The following CABIN1 variants were observed in gnomAD, a reference collection of about 807,000 sequenced individuals.
CABIN1 encodes the protein calcineurin binding protein 1.
CABIN1 carries 133 observed loss-of-function variants against 227.7 expected under a neutral mutation model. The ratio of observed to expected loss-of-function variants is 0.58; its 90% CI spans 0.51 to 0.67. CABIN1 has a LOEUF of 0.67. CABIN1 is among the 30% of genes least tolerant of loss of function. The pLI, the probability that CABIN1 is intolerant of heterozygous loss-of-function variation, is 0.00. For missense variants in CABIN1, 2,408 were observed against 2,852.5 expected (o/e 0.84, Z 3.55); for synonymous variants, 1,086 against 1,155.1 (o/e 0.94, Z 1.21).
At chr22:24,165,761 C>T in intron 31 of CABIN1, 135 bp downstream of exon 31, 1 of 718,428 alleles carries the variant, frequency 1.4e-6, no homozygotes, top group South Asian at 1.6e-5. Flanking sequence ...TGTGAGGTAG[C>T]ACCCATCCTG....
At position 24,166,648 on chromosome 22, in the gene CABIN1, C is replaced by T. The variant is rs749933147; in HGVS notation, c.5017C>T (p.Arg1673Cys). 49 of 1,612,680 alleles carry T rather than the reference C, an allele frequency of 3.0e-5. 1 individual carries two copies. Among genetic ancestry groups the T allele is most frequent in the East Asian group, 8.9e-5 (4 of 44,880 alleles). ...TTTGGTTTCTTTGTAGGGGTCAGAA[C>T]GCCCAGGGCCCAAGGTCTGTGGCCT... is the stretch of plus-strand genomic sequence containing the variant. ...TLSELAEGSE[R>C]PGPKVCGLPG... The change falls in exon 32 of 37, where the codon CGC becomes TGC. Residue 1673 changes from arginine to cysteine, a missense_variant. Coordinates refer to ENST00000263119, the MANE Select transcript of CABIN1 (RefSeq NM_012295.4).
At chr22:24,052,593 C>A (rs2038426660) in intron 8 of CABIN1, among the ~76,000 whole-genome samples, 1 of 151,354 alleles carries the variant, frequency 6.6e-6, no homozygotes. Context: ...AGTTCAAGAC[C>A]AGCCTGGGCA....
Position 24,038,389 on chromosome 22 carries a change from G to A in CABIN1, c.138G>A (p.Leu46=). The change falls in exon 4 of 37, where the codon CTG becomes CTA. Residue 46 remains leucine, a synonymous_variant. Transcript: ENST00000263119. ...AFALYHKALD[L]QKHDRFEESA... ...CATTGTACCACAAGGCCCTTGATCT[G>A]CAGAAACATGACCGGTTTGAGGAGT... 1 of 1,614,068 alleles carries A rather than the reference G, an allele frequency of 6.2e-7. No homozygotes were observed. Among genetic ancestry groups the A allele is most frequent in the South Asian group, 1.1e-5 (1 of 91,084 alleles).
At chr22:24,128,228 T>C (rs1227558485) in intron 28 of CABIN1, among the ~76,000 whole-genome samples, 1 of 150,448 alleles carries the variant, frequency 6.6e-6, no homozygotes, top group Admixed American at 6.6e-5. Flanking sequence ...GTGGTTCTGC[T>C]TTTTTTTGCT....
At chr22:24,054,507 A>G (rs963195480) in intron 8 of CABIN1, among the ~76,000 whole-genome samples, 1 of 152,172 alleles carries the variant, frequency 6.6e-6, no homozygotes, top group Non-Finnish European at 1.5e-5. Flanking sequence ...GAGTTCCACA[A>G]GTGTTTTAAA....
At chr22:24,056,383 G>T in intron 10 of CABIN1, 23 bp downstream of exon 10, 1 of 1,612,328 alleles carries the variant, frequency 6.2e-7, no homozygotes, top group Non-Finnish European at 8.5e-7. Flanking sequence ...TTTTCTGATT[G>T]TCAGAAACAA....
chr22:24,144,603 G>A (rs2044991151), intron 29 of CABIN1, among the ~76,000 whole-genome samples: 2 of 152,256 alleles, frequency 1.3e-5, no homozygotes, highest in Non-Finnish European at 2.9e-5. Flanking sequence ...GGGCAGCTGG[G>A]CTGCACTGGC....
intron 29 of CABIN1, among the ~76,000 whole-genome samples, chr22:24,150,184 T>C (rs1215207597): frequency 1.3e-5 from 2 of 152,224 alleles, no homozygotes; most frequent in African/African-American, 4.8e-5. Context: ...GCTTTACTTT[T>C]TGTGAGGCTG....
intron 14 of CABIN1, among the ~76,000 whole-genome samples, chr22:24,063,369 G>C (rs1028432387): frequency 1.3e-5 from 2 of 152,184 alleles, no homozygotes; most frequent in African/African-American, 4.8e-5. Context: ...ATACCAATCT[G>C]TAAAGCTCTT....
rs558710938 is a variant in CABIN1, at chr22:24,067,014, C to T, written c.2065C>T (p.Arg689Trp). 1.9e-6 allele frequency: 3 copies of T among 1,614,186 alleles called. No individual in the cohort carries two copies. The highest frequency in any genetic ancestry group is 1.3e-5 in the African/African-American group (1 of 75,048). Residue 689 changes from arginine to tryptophan, a missense_variant, in exon 16 of 37, where the codon CGG (arginine) becomes TGG (tryptophan). Physicochemically the swap from Arg to Trp is moderately radical, Grantham distance 101. Transcript: ENST00000263119. ...TGATAAGAACCTGAAGTCGCTGGAG[C>T]GGTGCCAGTCCCTGGAGGAGATTCA... Reference protein sequence around the residue: ...EIDKNLKSLERCQSLEEIQRL... With the variant: ...EIDKNLKSLEWCQSLEEIQRL...
At chr22:24,107,415 A>AG (rs2083934722) in intron 26 of CABIN1, among the ~76,000 whole-genome samples, 1 of 152,200 alleles carries the variant, frequency 6.6e-6, no homozygotes, top group South Asian at 2.1e-4. Flanking sequence ...AGGCTCAGGA[A>AG]GGGCCTGGCA....
chr22:24,166,965 C>T lies in CABIN1; in HGVS notation c.5334C>T (p.Pro1778=). The T allele has an allele frequency of 6.3e-7, 1 of 1,590,154 alleles. No homozygotes were observed. The highest frequency in any genetic ancestry group is 8.6e-7 in the Non-Finnish European group (1 of 1,169,074). Residue 1778 remains proline (P), a synonymous_variant, in exon 32 of 37, where the codon CCC becomes CCT. Coordinates refer to ENST00000263119, the MANE Select transcript of CABIN1 (RefSeq NM_012295.4). Reference sequence around the variant, plus strand: ...ACTCAGACTTGGAGCGGACACCACCCCTGCTGCCAGGTCGCCCCGCAAGGG... The same window carrying T: ...ACTCAGACTTGGAGCGGACACCACCTCTGCTGCCAGGTCGCCCCGCAAGGG... ...VCHSDLERTP[P]LLPGRPARDR...
At chr22:24,129,015 C>A (rs1392922239) in intron 28 of CABIN1, among the ~76,000 whole-genome samples, 1 of 152,178 alleles carries the variant, frequency 6.6e-6, no homozygotes, top group Non-Finnish European at 1.5e-5. Context: ...GGGCAGAGAC[C>A]CTGGGTGACA....
chr22:24,052,533 A>G (rs181430540), intron 8 of CABIN1, among the ~76,000 whole-genome samples: 66 of 151,374 alleles, frequency 4.4e-4, no homozygotes, highest in African/African-American at 1.5e-3. Flanking sequence ...GCTAACGCCT[A>G]TAATCCCAGT....
At chr22:24,153,495 C>T (rs1273525877) in intron 29 of CABIN1, among the ~76,000 whole-genome samples, 3 of 152,170 alleles carry the variant, frequency 2.0e-5, no homozygotes, top group African/African-American at 7.2e-5. Context: ...GGCAGGCAGT[C>T]TCACCAGCCT....
chr22:24,146,079 CAG>C (rs2045096464), intron 29 of CABIN1, among the ~76,000 whole-genome samples: 1 of 152,096 alleles, frequency 6.6e-6, no homozygotes, highest in African/African-American at 2.4e-5. Flanking sequence ...TTAGGACTGT[CAG>C]GGGATCAAAG....
chr22:24,111,261 T>C (rs1375732091), intron 26 of CABIN1, among the ~76,000 whole-genome samples: 3 of 152,168 alleles, frequency 2.0e-5, no homozygotes, highest in African/African-American at 2.4e-5. Flanking sequence ...TAGCCTACAG[T>C]TGGGCAAAAT....
rs2041986556 is a variant in CABIN1 at position 24,097,891 on chromosome 22, G to A, written c.3939-123G>A. On this transcript the variant is annotated intron_variant, in intron 25 of 36. Transcript: ENST00000263119. The stretch of plus-strand genomic sequence containing the variant: ...CTCTGTGACACCAGGCAGATGGGGT[G>A]GGGGCCACCAGAGGTGCATGGGAGC... 31 of 1,259,814 alleles carry A rather than the reference G, an allele frequency of 2.5e-5. No homozygotes were observed. The South Asian group carries it at 3.1e-4, about 13-fold the overall frequency. The allele number at this position is 1,259,814 out of a possible 1,614,324, so 78.0% of individuals were successfully genotyped here.
intron 15 of CABIN1, among the ~76,000 whole-genome samples, chr22:24,065,409 G>C (rs2039564212): frequency 6.6e-6 from 1 of 151,394 alleles, no homozygotes; most frequent in Non-Finnish European, 1.5e-5. Context: ...CCCAGATGGG[G>C]CGGCGGGGCA....
Sources: gnomAD v4.1 joint callset for allele counts (sites outside exome capture counted in the v4.1 genomes callset) on GRCh38, gnomAD v4.1.1 for gene constraint, MANE v1.5 for transcripts, NCBI Gene and HGNC (gene_info 2026-07-23, HGNC 2026-07-21) for gene names.